Variants in PDIA6 observed in about 807,000 individuals in gnomAD.
PDIA6 encodes the protein protein disulfide-isomerase A6.
In PDIA6, 29 loss-of-function variants were observed where a neutral mutation model predicts 58.4. The ratio of observed to expected loss-of-function variants is 0.50; its 90% CI spans 0.37 to 0.68. The LOEUF (loss-of-function observed/expected upper bound fraction) is 0.68, where lower values mean the gene tolerates loss of function less well. Ranked by LOEUF, PDIA6 falls within the 30% of genes least tolerant of loss-of-function variation. The pLI, the probability that PDIA6 is intolerant of heterozygous loss-of-function variation, is 0.00. For missense variants in PDIA6, 480 were observed against 551.0 expected (o/e 0.87, Z 1.29); for synonymous variants, 192 against 202.6 (o/e 0.95, Z 0.44).
upstream of PDIA6, among the ~76,000 whole-genome samples, chr2:10,817,667 G>A (rs902399058): frequency 6.6e-6 from 1 of 152,216 alleles, no homozygotes; most frequent in African/African-American, 2.4e-5. Flanking sequence ...CTTCCACCAG[G>A]CGGAATTGTT....
chr2:10,784,684 A>AG, intron 12 of PDIA6: 1 of 532,228 alleles, frequency 1.9e-6, no homozygotes, highest in Non-Finnish European at 3.3e-6. Context: ...GTTCACTTTA[A>AG]GGTAATAATC....
Position 10,819,244 on chromosome 2 carries a change from G to A in PDIA6, c.34+30C>T, listed in dbSNP as rs779489907. The A allele has an allele frequency of 3.0e-6, 4 of 1,341,844 alleles. 1 individual carries two copies. Among genetic ancestry groups the A allele is most frequent in the Non-Finnish European group, 4.2e-6 (4 of 956,614 alleles). 83.1% of individuals were successfully genotyped at this position (1,341,844 alleles called of 1,614,324 possible). A position where few individuals can be genotyped will look rare whatever the true frequency, so the allele number is the denominator to read the frequency against. On this transcript the variant is annotated intron_variant, in intron 2 of 13. Coordinates refer to the PDIA6 transcript ENST00000381611. Reference sequence around the variant, plus strand: ...TTTTGGCTGTTGTGAACAGATGGAGGCTCCTACTCTGGGAGTTTCCTCTAC... The same window carrying A: ...TTTTGGCTGTTGTGAACAGATGGAGACTCCTACTCTGGGAGTTTCCTCTAC...
chr2:10,802,699 C>G, intron 1 of PDIA6, 59 bp from the exon 2 acceptor site: 1 of 1,308,626 alleles, frequency 7.6e-7, no homozygotes, highest in Non-Finnish European at 9.9e-7. Context: ...GACTGGAAAC[C>G]CTGGGGAACC....
At position 10,797,315 on chromosome 2, in the gene PDIA6, G is replaced by A. The variant is rs1483095175; in HGVS notation, c.220-108C>T. 3 of 1,138,166 alleles carry A rather than the reference G, an allele frequency of 2.6e-6. No homozygotes were observed. In the East Asian group the frequency reaches 7.4e-5, roughly 28 times the overall value. The allele number at this position is 1,138,166 out of a possible 1,614,324, so 70.5% of individuals were successfully genotyped here. A position where few individuals can be genotyped will look rare whatever the true frequency, so the allele number is the denominator to read the frequency against. Reference sequence around the variant, plus strand: ...TCAGAAAAAGGTAATAAAGCACAGGGTGCAGTTTGCAATCAGTCAATAAGG... The same window carrying A: ...TCAGAAAAAGGTAATAAAGCACAGGATGCAGTTTGCAATCAGTCAATAAGG... On this transcript the variant is annotated intron_variant, in intron 3 of 12. Coordinates refer to ENST00000272227, the MANE Select transcript of PDIA6 (RefSeq NM_005742.4).
At chr2:10,819,862 C>G (rs1325424350) in intron 1 of PDIA6, among the ~76,000 whole-genome samples, 2 of 152,182 alleles carry the variant, frequency 1.3e-5, no homozygotes, top group African/African-American at 4.8e-5. Context: ...TAGAGTTGCC[C>G]CATGGGTCCT....
intron 5 of PDIA6, among the ~76,000 whole-genome samples, chr2:10,792,313 C>T (rs1666072408): frequency 6.6e-6 from 1 of 152,214 alleles, no homozygotes; most frequent in Admixed American, 6.5e-5. Flanking sequence ...AAAGTCCCTA[C>T]CAGTCAACAG....
At chr2:10,788,854 C>T (rs778523736) in intron 9 of PDIA6, 43 bp downstream of exon 9, 1 of 1,562,700 alleles carries the variant, frequency 6.4e-7, no homozygotes, top group Non-Finnish European at 8.8e-7. Flanking sequence ...CTCAGAGCAT[C>T]TAGCATAGAA....
At chr2:10,806,625 A>AG (rs1354380985) in intron 1 of PDIA6, among the ~76,000 whole-genome samples, 6 of 148,794 alleles carry the variant, frequency 4.0e-5, no homozygotes, top group Non-Finnish European at 7.5e-5. Flanking sequence ...TAAAAAATAA[A>AG]GACAGAAAGA....
chr2:10,818,875 T>C (rs34533775), intron 2 of PDIA6, among the ~76,000 whole-genome samples: 38,994 of 151,982 alleles, frequency 0.26, 6,286 homozygotes, highest in Non-Finnish European at 0.36. Flanking sequence ...CTCACATCGT[T>C]GTACAACCTT....
intron 2 of PDIA6, among the ~76,000 whole-genome samples, chr2:10,799,842 T>C (rs1239766044): frequency 6.6e-6 from 1 of 151,490 alleles, no homozygotes; most frequent in African/African-American, 2.4e-5. Context: ...CCAGGGGTTC[T>C]GCAACTGGGG....
At chr2:10,790,653 A>G (rs980327188) in intron 7 of PDIA6, 66 bp downstream of exon 7, 1 of 1,121,358 alleles carries the variant, frequency 8.9e-7, no homozygotes, top group Middle Eastern at 2.0e-4. Flanking sequence ...GGAGGCCTGG[A>G]GTATTGGAAG....
At chr2:10,837,514 G>T in intron 1 of PDIA6, 3 of 707,902 alleles carry the variant, frequency 4.2e-6, no homozygotes, top group Non-Finnish European at 7.7e-6. Flanking sequence ...CACTTATGCA[G>T]CACACTTACC....
chr2:10,812,796 A>C (rs1667066398), upstream of PDIA6: 3 of 1,219,806 alleles, frequency 2.5e-6, no homozygotes, highest in African/African-American at 1.6e-5. Flanking sequence ...GCCCCAGGCC[A>C]GTCCGGTGGT....
chr2:10,827,247 G>C (rs1184715025), intron 1 of PDIA6, among the ~76,000 whole-genome samples: 4 of 152,184 alleles, frequency 2.6e-5, no homozygotes, highest in African/African-American at 9.6e-5. Flanking sequence ...ATTTTCAGTA[G>C]AGACGGGGTT....
rs371267030 is a variant in PDIA6 at position 10,788,953 on chromosome 2, G to A, written c.869C>T (p.Thr290Met). ...AACACAGAGCTGGTGCTCCTCACAC[G>A]TCCTCTTGGCAATGTCCTCGTTGAT... ...EIINEDIAKR[T>M]CEEHQLCVVA... is the part of the protein sequence containing the mutation. The change falls in exon 9 of 13, where the codon ACG (threonine) becomes ATG (methionine). Residue 290 changes from threonine (T) to methionine (M), a missense_variant. By Grantham distance (81) the Thr-to-Met change is moderately conservative. Coordinates refer to ENST00000272227, the MANE Select transcript of PDIA6 (RefSeq NM_005742.4). 3.0e-5 allele frequency: 49 copies of A among 1,613,882 alleles called. No individual in the cohort carries two copies. The highest frequency in any genetic ancestry group is 3.6e-5 in the Non-Finnish European group (43 of 1,179,870).
upstream of PDIA6, among the ~76,000 whole-genome samples, chr2:10,813,144 C>G (rs373137111): frequency 7.7e-4 from 118 of 152,308 alleles, no homozygotes; most frequent in East Asian, 0.018. Flanking sequence ...CCCCCACCCT[C>G]TTTATCCCGG....
chr2:10,834,843 C>T (rs1339785022), upstream of PDIA6, among the ~76,000 whole-genome samples: 3 of 151,282 alleles, frequency 2.0e-5, no homozygotes, highest in Non-Finnish European at 4.4e-5. Flanking sequence ...CTTAGCTCAC[C>T]GCAACCTCCG....
chr2:10,831,667 T>C (rs184275291), intron 1 of PDIA6, among the ~76,000 whole-genome samples: 5 of 152,288 alleles, frequency 3.3e-5, no homozygotes, highest in Non-Finnish European at 4.4e-5. Context: ...CTGGACAGGA[T>C]TGGCCTTCAC....
intron 1 of PDIA6, among the ~76,000 whole-genome samples, chr2:10,822,355 C>T (rs541032067): frequency 2.0e-4 from 31 of 151,730 alleles, no homozygotes; most frequent in Middle Eastern, 6.8e-3. Flanking sequence ...CTCCGCCTCC[C>T]GGGTTCATGC....
Sources: gnomAD v4.1 joint callset for allele counts (sites outside exome capture counted in the v4.1 genomes callset) on GRCh38, gnomAD v4.1.1 for gene constraint, MANE v1.5 for transcripts, NCBI Gene and HGNC (gene_info 2026-07-23, HGNC 2026-07-21) for gene names.